ANAPC1: variants seen among roughly 807,000 people sequenced by gnomAD.
ANAPC1 encodes anaphase promoting complex subunit 1.
A neutral mutation model predicts 208.0 loss-of-function variants in ANAPC1; 36 were observed. That is an observed-to-expected ratio of 0.17 (90% CI 0.13 to 0.23). The LOEUF (loss-of-function observed/expected upper bound fraction) is 0.23. ANAPC1 is among the 10% of genes least tolerant of loss of function. The pLI is 1.00. For missense variants in ANAPC1, 942 were observed against 2,011.6 expected (o/e 0.47, Z 10.17); for synonymous variants, 378 against 695.2 (o/e 0.54, Z 7.18).
chr2:111,870,081 T>C (rs188780746), intron 6 of ANAPC1, among the ~76,000 whole-genome samples: 169 of 152,362 alleles, frequency 1.1e-3, no homozygotes, highest in African/African-American at 3.2e-3. Flanking sequence ...TAGTATTCCA[T>C]GGTGTATATA....
intron 21 of ANAPC1, among the ~76,000 whole-genome samples, chr2:111,827,520 T>C (rs1390188245): frequency 6.6e-6 from 1 of 151,856 alleles, no homozygotes; most frequent in Non-Finnish European, 1.5e-5. Context: ...AAACATCACA[T>C]AAAAAAAATT....
chr2:111,793,193 T>C (rs1333399434), intron 37 of ANAPC1, among the ~76,000 whole-genome samples: 3 of 152,104 alleles, frequency 2.0e-5, no homozygotes, highest in African/African-American at 4.8e-5. Flanking sequence ...AAATGACCTA[T>C]TACAAGCAAG....
intron 10 of ANAPC1, among the ~76,000 whole-genome samples, chr2:111,859,280 C>A (rs1573480824): frequency 6.6e-6 from 1 of 152,018 alleles, no homozygotes. Context: ...GTCAGGAGTT[C>A]AAGACCAGCC....
At chr2:111,836,574 G>T (rs1354101445) in intron 18 of ANAPC1, among the ~76,000 whole-genome samples, 1 of 151,486 alleles carries the variant, frequency 6.6e-6, no homozygotes, top group Non-Finnish European at 1.5e-5. Flanking sequence ...TTGAGCCTAG[G>T]AGTTCAAGAT....
At chr2:111,832,305 G>GAAAAA (rs11431305) in intron 20 of ANAPC1, among the ~76,000 whole-genome samples, 10 of 76,726 alleles carry the variant, frequency 1.3e-4, no homozygotes, top group African/African-American at 3.9e-4. Flanking sequence ...CCTGTCTCAA[G>GAAAAA]AAAAAAAAAA....
downstream of ANAPC1, chr2:111,766,327 G>C (rs1676472134): frequency 2.0e-5 from 3 of 152,464 alleles, no homozygotes; most frequent in Non-Finnish European, 4.4e-5. Context: ...TCAGAGAGGG[G>C]GGAACCCGGG....
chr2:111,787,867 C>T (rs1677648254), intron 39 of ANAPC1, among the ~76,000 whole-genome samples: 1 of 143,638 alleles, frequency 7.0e-6, no homozygotes, highest in Non-Finnish European at 1.5e-5. Context: ...CTAAATCAGA[C>T]AAACTTTTCT....
intron 24 of ANAPC1, among the ~76,000 whole-genome samples, chr2:111,823,105 G>A (rs1679632233): frequency 7.1e-6 from 1 of 141,634 alleles, no homozygotes; most frequent in East Asian, 2.1e-4. Flanking sequence ...CTCCTCCCGG[G>A]TTCACGCCAT....
intron 46 of ANAPC1, among the ~76,000 whole-genome samples, chr2:111,773,368 A>G (rs1354014080): frequency 6.6e-6 from 1 of 152,262 alleles, no homozygotes; most frequent in African/African-American, 2.4e-5. Context: ...CACTGAGGAT[A>G]AAGTCATGGC....
intron 34 of ANAPC1, among the ~76,000 whole-genome samples, chr2:111,798,094 A>T (rs1678252383): frequency 7.3e-6 from 1 of 136,216 alleles, no homozygotes; most frequent in Non-Finnish European, 1.6e-5. Flanking sequence ...ATGACAAAGG[A>T]GAGAGCCACA....
chr2:111,870,488 T>C (rs1375695214), intron 6 of ANAPC1, among the ~76,000 whole-genome samples: 2 of 152,240 alleles, frequency 1.3e-5, no homozygotes, highest in Non-Finnish European at 1.5e-5. Context: ...AGCAGTTTCA[T>C]GTTTGTTGGC....
intron 34 of ANAPC1, among the ~76,000 whole-genome samples, chr2:111,798,792 C>T (rs1174015271): frequency 1.8e-4 from 28 of 152,204 alleles, no homozygotes; most frequent in African/African-American, 5.8e-4. Context: ...CCCAGCACTT[C>T]GGGAGGCCGA....
At chr2:111,839,594 C>T (rs1175529166) in intron 17 of ANAPC1, among the ~76,000 whole-genome samples, 1 of 152,182 alleles carries the variant, frequency 6.6e-6, no homozygotes, top group Non-Finnish European at 1.5e-5. Context: ...ATATTTAAAA[C>T]TGAATGTTAT....
intron 1 of ANAPC1, among the ~76,000 whole-genome samples, chr2:111,883,203 AAC>A (rs1683413660): frequency 6.6e-6 from 1 of 151,458 alleles, no homozygotes; most frequent in South Asian, 2.1e-4. Flanking sequence ...CAAAAAAAAA[AAC>A]CTTAAAAGAA....
At chr2:111,772,552 T>G in intron 46 of ANAPC1, 77 bp from the exon 47 acceptor site, 1 of 612,920 alleles carries the variant, frequency 1.6e-6, no homozygotes, top group Non-Finnish European at 2.7e-6. Context: ...TATTACTTTT[T>G]CATCAAGAAC....
chr2:111,833,093 G>A (rs1271038421), intron 20 of ANAPC1, 127 bp downstream of exon 20: 2 of 1,331,004 alleles, frequency 1.5e-6, no homozygotes, highest in East Asian at 5.2e-5. Flanking sequence ...AAATCTGCCT[G>A]GTGGAAAGGC....
intron 6 of ANAPC1, among the ~76,000 whole-genome samples, chr2:111,872,155 T>G (rs1403067603): frequency 6.6e-6 from 1 of 152,156 alleles, no homozygotes; most frequent in Non-Finnish European, 1.5e-5. Context: ...TATTAATTTG[T>G]GGTAAGTCCC....
At chr2:111,799,030 T>C (rs576461766) in intron 34 of ANAPC1, among the ~76,000 whole-genome samples, 2 of 145,944 alleles carry the variant, frequency 1.4e-5, no homozygotes, top group Admixed American at 1.4e-4. Flanking sequence ...CAAGACTCCA[T>C]CTCAAAAAAA....
intron 24 of ANAPC1, among the ~76,000 whole-genome samples, chr2:111,824,557 T>A (rs1452635202): frequency 6.6e-6 from 1 of 152,104 alleles, no homozygotes; most frequent in Non-Finnish European, 1.5e-5. Context: ...CCTTCAAAAG[T>A]GCATTTATCC....
Sources: gnomAD v4.1 joint callset for allele counts (sites outside exome capture counted in the v4.1 genomes callset) on GRCh38, gnomAD v4.1.1 for gene constraint, MANE v1.5 for transcripts, NCBI Gene and HGNC (gene_info 2026-07-23, HGNC 2026-07-21) for gene names.